Variants in DLEC1 observed in about 807,000 individuals in gnomAD.
The protein encoded by DLEC1 is deleted in lung and esophageal cancer protein 1.
DLEC1 carries 146 observed loss-of-function variants against 198.1 expected under a neutral mutation model. The observed-to-expected ratio is 0.74, with a 90% CI of 0.64 to 0.85. The LOEUF (loss-of-function observed/expected upper bound fraction) is 0.85, where lower values mean the gene tolerates loss of function less well. Among genes scored for constraint, DLEC1 ranks in the 40% least tolerant of loss-of-function variants. DLEC1 has a pLI of 0.00. For synonymous variants in DLEC1, 897 were observed against 866.8 expected (o/e 1.03, Z -0.61); for missense variants, 2,233 against 2,220.0 (o/e 1.01, Z -0.12).
rs73825484 is a variant in DLEC1 at position 38,049,386 on chromosome 3, T to G, written c.562+3693T>G. On this transcript the variant is annotated intron_variant, in intron 2 of 36. Coordinates refer to ENST00000308059, the MANE Select transcript of DLEC1 (RefSeq NM_007335.4). ...GGACATTCCCCTAAAAGTTTCTTAT[T>G]TGAGGCATAGAGGCAACCTTTCTGT... Among the ~76,000 whole-genome samples the G allele has an allele frequency of 1.4e-3, 217 of 152,332 alleles. 1 individual carries two copies. Among genetic ancestry groups the G allele is most frequent in the African/African-American group, 5.0e-3 (209 of 41,580 alleles).
At position 38,088,362 on chromosome 3, in the gene DLEC1, G is replaced by T. The variant is rs763148617; in HGVS notation, c.1639G>T (p.Ala547Ser). 1 of 1,613,840 alleles carries T rather than the reference G, an allele frequency of 6.2e-7. No homozygotes were observed. Among genetic ancestry groups the T allele is most frequent in the Non-Finnish European group, 8.5e-7 (1 of 1,179,778 alleles). Residue 547 changes from alanine (A) to serine (S), a missense_variant, in exon 10 of 37, where the codon GCC (alanine) becomes TCC (serine). Ala to Ser is a moderately conservative substitution (Grantham distance 99). Transcript: ENST00000308059. ...AATCCTGCCTTCGGTGTTTGAGCTG[G>T]CCCCGGGACATGCTATATTAGTGGA... is the stretch of plus-strand genomic sequence containing the variant. ...FGILPSVFEL[A>S]PGHAILVEVL...
intron 1 of DLEC1, among the ~76,000 whole-genome samples, chr3:38,042,018 A>C (rs1700682404): frequency 1.3e-5 from 2 of 151,964 alleles, no homozygotes; most frequent in African/African-American, 2.4e-5. Context: ...TTTGAGGCAG[A>C]GTCTCGCTCT....
intron 2 of DLEC1, among the ~76,000 whole-genome samples, chr3:38,053,749 G>A (rs1701270723): frequency 6.7e-6 from 1 of 150,280 alleles, no homozygotes; most frequent in Non-Finnish European, 1.5e-5. Context: ...TTTGTTGAAT[G>A]GAAAAGGGGG....
intron 6 of DLEC1, among the ~76,000 whole-genome samples, chr3:38,065,953 T>C (rs902077031): frequency 4.1e-4 from 62 of 152,390 alleles, no homozygotes; most frequent in African/African-American, 1.5e-3. Flanking sequence ...AATTGCGTTA[T>C]TGTGGTGACA....
intron 1 of DLEC1, among the ~76,000 whole-genome samples, chr3:38,042,057 A>G (rs1196443733): frequency 6.6e-6 from 1 of 151,868 alleles, no homozygotes; most frequent in Non-Finnish European, 1.5e-5. Flanking sequence ...CAGTGCCACG[A>G]TCTTGGCTCA....
chr3:38,117,404 A>G, intron 31 of DLEC1, 102 bp downstream of exon 31: 7 of 1,596,456 alleles, frequency 4.4e-6, no homozygotes, highest in Middle Eastern at 1.7e-4. Context: ...AAGGACGGGC[A>G]TGGGTGGAGA....
rs1700560478 is a variant in DLEC1, at chr3:38,039,641, C to T, written c.411+5C>T. 1 of 1,592,218 alleles carries T rather than the reference C, an allele frequency of 6.3e-7. No individual in the cohort carries two copies. Among genetic ancestry groups the T allele is most frequent in the Non-Finnish European group, 8.6e-7 (1 of 1,166,018 alleles). On this transcript the variant is annotated splice_donor_5th_base_variant and intron_variant, in intron 1 of 36. Coordinates refer to ENST00000308059, the MANE Select transcript of DLEC1 (RefSeq NM_007335.4). ...TTCGTGGACCAGCTGCAGCAGGTAA[C>T]GTGGCGGTGGCGTCGCGTCTGCGGA...
In DLEC1 at chr3:38,121,775, C is replaced by T. The variant is rs35394988; in HGVS notation, c.5014C>T (p.Leu1672=). ...CGGGTGCCGAAGCTACTGGACTATGCTGATGGGTATGTCCTACCCTGCCAC... is the reference window on the plus strand; with the variant it reads ...CGGGTGCCGAAGCTACTGGACTATGTTGATGGGTATGTCCTACCCTGCCAC... ...LSGCRSYWTM[L]MGQQEPAKAA... Residue 1672 remains leucine (L), a synonymous_variant, in exon 35 of 37, where the codon CTG becomes TTG. Coordinates refer to ENST00000308059, the MANE Select transcript of DLEC1 (RefSeq NM_007335.4). The T allele has an allele frequency of 3.3e-3, 5,282 of 1,613,922 alleles. 165 individuals carry two copies. The African/African-American group carries it at 0.061, about 19-fold the overall frequency.
intron 10 of DLEC1, among the ~76,000 whole-genome samples, chr3:38,092,585 A>ATCCTTTTAGC (rs766651848): frequency 1.6e-3 from 243 of 152,180 alleles, no homozygotes; most frequent in Non-Finnish European, 1.7e-3. Context: ...TTATCTTCAT[A>ATCCTTTTAGC]TCCTTTTAGC....
At position 38,097,834 on chromosome 3, in the gene DLEC1, G is replaced by A. The variant is rs753949751; in HGVS notation, c.2656G>A (p.Val886Ile). The part of the protein sequence containing the change: ...KATNSIQIRN[V>I]SQLPATWRMK... ...CACAAACTCCATCCAGATCCGGAAC[G>A]TCAGCCAGCTCCCAGCCACATGGCG... The change falls in exon 18 of 37, where the codon GTC (valine) becomes ATC (isoleucine). Residue 886 changes from valine to isoleucine, a missense_variant. Coordinates refer to ENST00000308059, the MANE Select transcript of DLEC1 (RefSeq NM_007335.4). 113 of 1,614,170 alleles carry A rather than the reference G, an allele frequency of 7.0e-5. No homozygotes were observed. The highest frequency in any genetic ancestry group is 8.5e-5 in the Non-Finnish European group (100 of 1,180,036).
chr3:38,046,879 C>G (rs1700910126), intron 2 of DLEC1, among the ~76,000 whole-genome samples: 1 of 152,142 alleles, frequency 6.6e-6, no homozygotes, highest in African/African-American at 2.4e-5. Flanking sequence ...ATTCCTTGAT[C>G]TTTTCTTGTC....
intron 9 of DLEC1, among the ~76,000 whole-genome samples, chr3:38,086,875 G>C (rs1397291695): frequency 6.6e-6 from 1 of 152,054 alleles, no homozygotes; most frequent in Admixed American, 6.6e-5. Context: ...AGGGGTTTGA[G>C]ACCAGCCTGG....
At position 38,097,642 on chromosome 3, in the gene DLEC1, T is replaced by C. The variant is rs768171270; in HGVS notation, c.2565+5T>C. 6 of 1,614,190 alleles carry C rather than the reference T, an allele frequency of 3.7e-6. No individual in the cohort carries two copies. The highest frequency in any genetic ancestry group is 5.1e-6 in the Non-Finnish European group (6 of 1,180,032). ...CACATTGAGGCTGTCTTTAAGGTGCTGCAGGTGGAGCTGGGCAGTGGGGTG... is the reference window on the plus strand; with the variant it reads ...CACATTGAGGCTGTCTTTAAGGTGCCGCAGGTGGAGCTGGGCAGTGGGGTG... On this transcript the variant is annotated splice_donor_5th_base_variant and intron_variant, in intron 17 of 36. Transcript: ENST00000308059.
chr3:38,057,178 A>G (rs192468130), intron 2 of DLEC1, among the ~76,000 whole-genome samples: 1 of 152,366 alleles, frequency 6.6e-6, no homozygotes, highest in Non-Finnish European at 1.5e-5. Flanking sequence ...AAAAAGCAGT[A>G]AGAATCAATT....
intron 19 of DLEC1, among the ~76,000 whole-genome samples, chr3:38,102,049 GC>G (rs1314340026): frequency 6.6e-6 from 1 of 152,120 alleles, no homozygotes; most frequent in Non-Finnish European, 1.5e-5. Flanking sequence ...GAATCCAAGG[GC>G]CCAACACTTT....
intron 2 of DLEC1, among the ~76,000 whole-genome samples, chr3:38,048,187 T>C (rs1700963556): frequency 6.6e-6 from 1 of 152,250 alleles, no homozygotes; most frequent in Non-Finnish European, 1.5e-5. Flanking sequence ...GCTGGTGAGA[T>C]GTTCCAGGCC....
chr3:38,066,117 A>T (rs576327336), intron 6 of DLEC1, among the ~76,000 whole-genome samples: 3 of 152,234 alleles, frequency 2.0e-5, no homozygotes, highest in Non-Finnish European at 4.4e-5. Flanking sequence ...AGGAGGAAGC[A>T]TGGGATCTGG....
chr3:38,121,950 G>C (rs964089857), intron 35 of DLEC1, 121 bp from the exon 36 acceptor site: 2 of 1,523,054 alleles, frequency 1.3e-6, no homozygotes, highest in African/African-American at 2.8e-5. Flanking sequence ...TGATCTCAGG[G>C]TTGCCCTGCC....
At position 38,111,672 on chromosome 3, in the gene DLEC1, TA is replaced by T. The variant is rs754293027; in HGVS notation, c.3444-2del. 1 of 1,612,812 alleles carries T rather than the reference TA, an allele frequency of 6.2e-7. No individual in the cohort carries two copies. The highest frequency in any genetic ancestry group is 1.7e-5 in the Admixed American group (1 of 59,906). On this transcript the variant is annotated splice_polypyrimidine_tract_variant and splice_region_variant and intron_variant, in intron 23 of 36. Coordinates refer to ENST00000308059, the MANE Select transcript of DLEC1 (RefSeq NM_007335.4). ...GATACTATTTCTGTGTCTCCACTTG[TA>T]AAGTCCCAACATGCCTCCTGCCCTG...
Sources: allele counts gnomAD v4.1 joint callset (sites outside exome capture counted in the v4.1 genomes callset), GRCh38; gene constraint gnomAD v4.1.1; transcripts MANE v1.5; gene names NCBI Gene and HGNC (gene_info 2026-07-23, HGNC 2026-07-21).